NAV1: variants seen among roughly 807,000 people sequenced by gnomAD.
NAV1 encodes the protein neuron navigator 1.
Under a neutral mutation model 175.2 loss-of-function variants are expected in NAV1, and 18 were observed. The observed-to-expected ratio is 0.10, with a 90% CI of 0.07 to 0.15. The LOEUF (loss-of-function observed/expected upper bound fraction) is 0.15. NAV1 is among the 10% of genes least tolerant of loss of function. The pLI, the probability that NAV1 is intolerant of heterozygous loss-of-function variation, is 1.00. For synonymous variants in NAV1, 897 were observed against 978.7 expected (o/e 0.92, Z 1.56); for missense variants, 1,731 against 2,436.6 (o/e 0.71, Z 6.10).
intron 1 of NAV1, among the ~76,000 whole-genome samples, chr1:201,666,051 A>G (rs552050294): frequency 8.4e-4 from 128 of 152,150 alleles, no homozygotes; most frequent in African/African-American, 2.7e-3. Flanking sequence ...CCACTCACCC[A>G]TCGGTAAGTC....
intron 4 of NAV1, 82 bp from the exon 9 acceptor site, chr1:201,780,930 C>T: frequency 6.9e-7 from 1 of 1,450,692 alleles, no homozygotes; most frequent in South Asian, 1.4e-5. Flanking sequence ...GCGCCAGGTA[C>T]TAACTAAAAT....
chr1:201,618,514 C>G (rs897157339), upstream of NAV1, among the ~76,000 whole-genome samples: 13 of 152,142 alleles, frequency 8.5e-5, no homozygotes, highest in African/African-American at 2.7e-4. Context: ...ACCCCCAACT[C>G]TATCTCTGGA....
intron 3 of NAV1, among the ~76,000 whole-genome samples, chr1:201,721,516 C>T (rs1672384155): frequency 6.6e-6 from 1 of 152,264 alleles, no homozygotes; most frequent in Admixed American, 6.5e-5. Context: ...GCTGTCGTTG[C>T]TCAGCCTCCT....
rs1364404530 is a variant in NAV1 at position 201,807,456 on chromosome 1, C to T, written c.3649-497C>T. Among the ~76,000 whole-genome samples, 1 of 152,166 alleles carries T rather than the reference C, an allele frequency of 6.6e-6. No homozygotes were observed. The highest frequency in any genetic ancestry group is 2.4e-5 in the African/African-American group (1 of 41,448). ...GCATCATGAGGTGGCCTCTGAGGCC[C>T]ACAGTGAGCCAGGTTCTAGACTGAG... On this transcript the variant is annotated intron_variant, in intron 17 of 29. Transcript: ENST00000367296. The surrounding 1 kb of genome is among the most constrained non-coding windows in gnomAD (Gnocchi z 5.4).
At position 201,783,414 on chromosome 1, in the gene NAV1, C is replaced by A. The variant is rs567744900; in HGVS notation, c.2366C>A (p.Ala789Glu). The A allele has an allele frequency of 3.1e-6, 5 of 1,613,600 alleles. No individual in the cohort carries two copies. The East Asian group carries it at 8.9e-5, about 29-fold the overall frequency. The change falls in exon 7 of 30, where the codon GCG becomes GAG. Residue 789 changes from alanine (A) to glutamate (E), a missense_variant. Ala to Glu is a moderately radical substitution (Grantham distance 107). Transcript: ENST00000367296. ...GTTTGATCTTCTCTCAGGGCCACAG[C>A]GAAGAGCTTTGTCAAACCACCCTCA...
chr1:201,803,461 CA>C (rs1558183615), intron 15 of NAV1, 131 bp from the exon 20 acceptor site: 10 of 904,582 alleles, frequency 1.1e-5, no homozygotes, highest in Non-Finnish European at 1.3e-5. Flanking sequence ...ATGAATGATC[CA>C]AAAAAATGAA....
chr1:201,581,707 T>G (rs1214995112), intron 1 of NAV1, among the ~76,000 whole-genome samples: 1 of 151,824 alleles, frequency 6.6e-6, no homozygotes, highest in Non-Finnish European at 1.5e-5. Flanking sequence ...TGGGCGCCTG[T>G]TATCCCAGCT....
chr1:201,663,393 C>T (rs1669689287), intron 1 of NAV1, among the ~76,000 whole-genome samples: 3 of 152,146 alleles, frequency 2.0e-5, no homozygotes, highest in Admixed American at 6.5e-5. Context: ...GGCCTGGCTC[C>T]TGTTGAGATC....
chr1:201,636,086 T>A (rs1175900343), intron 2 of NAV1, among the ~76,000 whole-genome samples: 4 of 152,240 alleles, frequency 2.6e-5, no homozygotes, highest in Non-Finnish European at 5.9e-5. Context: ...ATCTGGCCCC[T>A]CAGATCTTTG....
intron 2 of NAV1, among the ~76,000 whole-genome samples, chr1:201,639,926 C>A (rs1249185507): frequency 6.6e-6 from 1 of 152,196 alleles, no homozygotes; most frequent in Non-Finnish European, 1.5e-5. Flanking sequence ...TGGGCAGGCT[C>A]ATCCCTGCTC....
At chr1:201,739,814 G>A (rs1301819698) in intron 3 of NAV1, 1 of 1,232,600 alleles carries the variant, frequency 8.1e-7, no homozygotes, top group Non-Finnish European at 1.0e-6. Context: ...CGGGGAAATG[G>A]GGCTCTGTCA....
intron 3 of NAV1, among the ~76,000 whole-genome samples, chr1:201,775,760 T>C (rs1341830279): frequency 6.6e-6 from 1 of 152,190 alleles, no homozygotes; most frequent in Non-Finnish European, 1.5e-5. Context: ...CCTTGGAAAT[T>C]TAAAATATGG....
At chr1:201,716,302 G>C (rs1045341531) in intron 2 of NAV1, among the ~76,000 whole-genome samples, 8 of 152,216 alleles carry the variant, frequency 5.3e-5, no homozygotes, top group African/African-American at 1.9e-4. Context: ...GCTGGACTGA[G>C]TTTTCTGATG....
chr1:201,648,117 G>A (rs1015128758), upstream of NAV1: 12 of 320,928 alleles, frequency 3.7e-5, no homozygotes, highest in Admixed American at 5.9e-4. Flanking sequence ...GCGCACACTC[G>A]CTCCCCTCCT....
At chr1:201,628,287 T>TA (rs1668392864) in intron 1 of NAV1, among the ~76,000 whole-genome samples, 1 of 151,850 alleles carries the variant, frequency 6.6e-6, no homozygotes, top group Non-Finnish European at 1.5e-5. Flanking sequence ...GGGCCTGAGA[T>TA]ACAAAAGAGC....
At chr1:201,551,424 T>G (rs1665850883) in intron 1 of NAV1, among the ~76,000 whole-genome samples, 1 of 152,162 alleles carries the variant, frequency 6.6e-6, no homozygotes, top group Admixed American at 6.5e-5. Flanking sequence ...AGACAAGGTC[T>G]TGCTATGTTG....
chr1:201,565,068 T>C (rs1666313377), intron 1 of NAV1, among the ~76,000 whole-genome samples: 1 of 152,194 alleles, frequency 6.6e-6, no homozygotes, highest in Admixed American at 6.5e-5. Context: ...CCACTTACGG[T>C]AACAACTGCA....
chr1:201,584,467 CTGA>C (rs1666967514), intron 1 of NAV1, among the ~76,000 whole-genome samples: 1 of 152,222 alleles, frequency 6.6e-6, no homozygotes, highest in South Asian at 2.1e-4. Context: ...TCCCATGTGA[CTGA>C]GATTGCCTGA....
Position 201,813,767 on chromosome 1 carries a change from G to C in NAV1, c.5340+509G>C, listed in dbSNP as rs1381101104. ...TATGTGAAAAGATTTTTAAAAGTTA[G>C]AATAAGGAGACCGGGCGTGGTGGGT... On this transcript the variant is annotated intron_variant, in intron 28 of 29. Transcript: ENST00000367296. This position sits in a 1 kb window ranked among gnomAD's most constrained non-coding sequence, Gnocchi z 4.2. Among the ~76,000 whole-genome samples, 2 of 152,090 alleles carry C rather than the reference G, an allele frequency of 1.3e-5. No individual in the cohort carries two copies. The highest frequency in any genetic ancestry group is 4.8e-5 in the African/African-American group (2 of 41,416).
Sources: allele counts gnomAD v4.1 joint callset (sites outside exome capture counted in the v4.1 genomes callset), GRCh38; gene constraint gnomAD v4.1.1; non-coding constraint Gnocchi (gnomAD v3.1); transcripts MANE v1.5; gene names NCBI Gene and HGNC (gene_info 2026-07-23, HGNC 2026-07-21).